HIVEP1: variants seen among roughly 807,000 people sequenced by gnomAD.
The protein encoded by HIVEP1 is HIVEP zinc finger 1, also known as zinc finger protein 40.
In HIVEP1, 36 loss-of-function variants were observed where a neutral mutation model predicts 180.0. The ratio of observed to expected loss-of-function variants is 0.20; its 90% CI spans 0.15 to 0.26. The LOEUF (loss-of-function observed/expected upper bound fraction) is 0.26, where lower values mean the gene tolerates loss of function less well. Ranked by LOEUF, HIVEP1 falls within the 10% of genes least tolerant of loss-of-function variation. HIVEP1 has a pLI of 1.00. For synonymous variants in HIVEP1, 1,239 were observed against 1,239.0 expected, an observed-to-expected ratio of 1.00 and a Z score of 0.00; for missense variants, 3,143 against 3,268.7, an observed-to-expected ratio of 0.96 and a Z score of 0.94.
intron 3 of HIVEP1, among the ~76,000 whole-genome samples, chr6:12,108,165 A>G (rs1199270169): frequency 1.3e-5 from 2 of 152,196 alleles, no homozygotes; most frequent in African/African-American, 2.4e-5. Flanking sequence ...CAGAGTGTCA[A>G]TTGGTGCATT....
chr6:12,098,885 C>T (rs1307688048), intron 3 of HIVEP1, among the ~76,000 whole-genome samples: 1 of 152,130 alleles, frequency 6.6e-6, no homozygotes, highest in Non-Finnish European at 1.5e-5. Context: ...ATGCTATATG[C>T]AGGAAATTTA....
At chr6:12,111,644 A>G (rs993737369) in intron 3 of HIVEP1, among the ~76,000 whole-genome samples, 1 of 152,234 alleles carries the variant, frequency 6.6e-6, no homozygotes, top group Non-Finnish European at 1.5e-5. Flanking sequence ...CCGTCTTGAA[A>G]GCCAGCAATG....
chr6:12,050,518 G>A (rs1414250889), intron 2 of HIVEP1, among the ~76,000 whole-genome samples: 2 of 151,868 alleles, frequency 1.3e-5, no homozygotes, highest in Non-Finnish European at 2.9e-5. Flanking sequence ...CCCGGGAGGC[G>A]GAGCTTGCAG....
chr6:12,042,413 C>G (rs1769833521), intron 2 of HIVEP1, among the ~76,000 whole-genome samples: 1 of 149,670 alleles, frequency 6.7e-6, no homozygotes, highest in African/African-American at 2.5e-5. Context: ...CAGAGTCTCC[C>G]TCTGTTGCCC....
chr6:12,164,234 G>C lies in HIVEP1; in HGVS notation c.7930G>C (p.Val2644Leu). ...AGAGAAGGCTGCCTCGGCAAATCAC[G>C]TGAAGCCCAAGCCTGAACTCACTTC... ...DTEKAASANH[V>L]KPKPELTSIQ... The change falls in exon 9 of 9, where the codon GTG becomes CTG. Residue 2644 changes from valine to leucine, a missense_variant. This residue lies in a region of HIVEP1 where 595 missense variants were observed against 602.2 expected (regional missense o/e 0.99). Coordinates refer to ENST00000379388, the MANE Select transcript of HIVEP1 (RefSeq NM_002114.4). The C allele has an allele frequency of 6.2e-7, 1 of 1,614,118 alleles. No homozygotes were observed. Among genetic ancestry groups the C allele is most frequent in the Non-Finnish European group, 8.5e-7 (1 of 1,180,028 alleles).
At chr6:12,197,781 A>C in the HIVEP1 span, among the ~76,000 whole-genome samples, 1 of 152,154 alleles carries the variant, frequency 6.6e-6, no homozygotes, top group African/African-American at 2.4e-5. Flanking sequence ...AAGATGGTAG[A>C]GAACAGACAA....
At chr6:12,021,809 G>GCT in intron 2 of HIVEP1, among the ~76,000 whole-genome samples, 2 of 152,060 alleles carry the variant, frequency 1.3e-5, no homozygotes, top group East Asian at 3.9e-4. Flanking sequence ...GGGATTACAG[G>GCT]CCTGTGCTAC....
At chr6:12,027,321 C>T (rs749292431) in intron 2 of HIVEP1, among the ~76,000 whole-genome samples, 10 of 152,168 alleles carry the variant, frequency 6.6e-5, no homozygotes, top group Admixed American at 1.3e-4. Flanking sequence ...CGCTGCCTGC[C>T]AAGCATAAGG....
intron 3 of HIVEP1, among the ~76,000 whole-genome samples, chr6:12,112,194 A>G (rs1327576259): frequency 1.3e-5 from 2 of 151,202 alleles, no homozygotes; most frequent in Non-Finnish European, 2.9e-5. Context: ...GGGTTGGACA[A>G]TTTTTTTTTC....
At chr6:12,013,033 G>T (rs1357198342) in intron 1 of HIVEP1, among the ~76,000 whole-genome samples, 1 of 152,062 alleles carries the variant, frequency 6.6e-6, no homozygotes, top group African/African-American at 2.4e-5. Context: ...GGGTCGGCTC[G>T]GGCTCGCCTT....
At position 12,122,323 on chromosome 6, in the gene HIVEP1, C is replaced by T. The variant is rs2113519009; in HGVS notation, c.2528C>T (p.Pro843Leu). Residue 843 changes from proline (P) to leucine (L), a missense_variant, in exon 4 of 9, where the codon CCG (proline) becomes CTG (leucine). Pro to Leu is a moderately conservative substitution (Grantham distance 98). Around this residue, in one of 12 missense-constraint regions of HIVEP1, gnomAD observed 204 missense variants for 243.7 expected, o/e 0.84. Coordinates refer to ENST00000379388, the MANE Select transcript of HIVEP1 (RefSeq NM_002114.4). The stretch of plus-strand genomic sequence containing the variant: ...CCTATCACAAGAAGTAATTCCATGC[C>T]GACCACAGGTTATTCAGCAGTACCT... ...CLPITRSNSMPTTGYSAVPAN... is the reference protein window; with the variant it reads ...CLPITRSNSMLTTGYSAVPAN... 3.1e-6 allele frequency: 5 copies of T among 1,614,188 alleles called. No homozygotes were observed. Among genetic ancestry groups the T allele is most frequent in the Non-Finnish European group, 4.2e-6 (5 of 1,180,020 alleles).
Position 12,125,865 on chromosome 6 carries a change from A to T in HIVEP1, c.6070A>T (p.Ser2024Cys). 1 of 1,582,494 alleles carries T rather than the reference A, an allele frequency of 6.3e-7. No individual in the cohort carries two copies. Among genetic ancestry groups the T allele is most frequent in the Non-Finnish European group, 8.6e-7 (1 of 1,161,372 alleles). Residue 2024 changes from serine (S) to cysteine (C), a missense_variant, in exon 4 of 9, where the codon AGC becomes TGC. Around this residue, in one of 12 missense-constraint regions of HIVEP1, gnomAD observed 1,357 missense variants for 1,260.5 expected, o/e 1.08. Transcript: ENST00000379388. Reference protein sequence around the residue: ...VYSSKWKSSLSKRALGNQKST... With the variant: ...VYSSKWKSSLCKRALGNQKST... ...TTCAAGCAAGTGGAAAAGCAGCTTAAGCAAGGTACTTGAAATATAATTTAT... is the reference window on the plus strand; with the variant it reads ...TTCAAGCAAGTGGAAAAGCAGCTTATGCAAGGTACTTGAAATATAATTTAT...
intron 8 of HIVEP1, 64 bp from the exon 9 acceptor site, chr6:12,163,219 A>C (rs1477461482): frequency 8.6e-7 from 1 of 1,165,398 alleles, no homozygotes; most frequent in Non-Finnish European, 1.2e-6. Flanking sequence ...ATTTAGCACT[A>C]GCTTTATATC....
At chr6:12,050,356 C>T (rs1377446570) in intron 2 of HIVEP1, among the ~76,000 whole-genome samples, 3 of 152,110 alleles carry the variant, frequency 2.0e-5, no homozygotes, top group South Asian at 2.1e-4. Flanking sequence ...AAGGCCAAGA[C>T]GGGCGGATCA....
chr6:12,021,384 C>A (rs1488768154), intron 2 of HIVEP1, among the ~76,000 whole-genome samples: 2 of 152,172 alleles, frequency 1.3e-5, no homozygotes, highest in Non-Finnish European at 2.9e-5. Context: ...TACTTCTTCT[C>A]CTTTTCCATT....
intron 7 of HIVEP1, among the ~76,000 whole-genome samples, chr6:12,147,320 G>A (rs967398417): frequency 6.6e-6 from 1 of 152,134 alleles, no homozygotes; most frequent in Admixed American, 6.5e-5. Flanking sequence ...GGATTCTTGA[G>A]TATTTTAATT....
chr6:12,143,544 G>T (rs147157407), intron 7 of HIVEP1, among the ~76,000 whole-genome samples: 1 of 152,198 alleles, frequency 6.6e-6, no homozygotes, highest in African/African-American at 2.4e-5. Flanking sequence ...AAGGCAATCA[G>T]GCAAGAGAAA....
chr6:12,173,664 GA>G, the HIVEP1 span, among the ~76,000 whole-genome samples: 1,634 of 152,256 alleles, frequency 0.011, 37 homozygotes, highest in African/African-American at 0.038. Context: ...CTGTGGGCTT[GA>G]AAAAGATATT....
At position 12,164,067 on chromosome 6, in the gene HIVEP1, T is replaced by C; in HGVS notation, c.7763T>C (p.Val2588Ala). The C allele has an allele frequency of 1.2e-6, 2 of 1,614,112 alleles. No homozygotes were observed. The highest frequency in any genetic ancestry group is 1.7e-6 in the Non-Finnish European group (2 of 1,180,018). ...ACETQPKQTS[V>A]ASANQVSRTE... ...GAGACACAACCCAAGCAGACTTCTG[T>C]AGCCAGCGCAAACCAGGTCAGCAGG... Residue 2588 changes from valine (V) to alanine (A), a missense_variant, in exon 9 of 9, where the codon GTA becomes GCA. By Grantham distance (64) the Val-to-Ala change is moderately conservative. Coordinates refer to ENST00000379388, the MANE Select transcript of HIVEP1 (RefSeq NM_002114.4).
Sources: gnomAD v4.1 joint callset for allele counts (sites outside exome capture counted in the v4.1 genomes callset) on GRCh38, gnomAD v4.1.1 for gene constraint, gnomAD v4.1.1 regional missense constraint, MANE v1.5 for transcripts, NCBI Gene and HGNC (gene_info 2026-07-23, HGNC 2026-07-21) for gene names.